Variants in XPO1 observed in about 807,000 individuals in gnomAD.
The protein encoded by XPO1 is exportin 1, also known as exportin-1.
In XPO1, 5 loss-of-function variants were observed where a neutral mutation model predicts 133.3. That is an observed-to-expected ratio of 0.04 (90% CI 0.02 to 0.08). The LOEUF is 0.08. Ranked by LOEUF, XPO1 falls within the 10% of genes least tolerant of loss-of-function variation. The pLI, the probability that XPO1 is intolerant of heterozygous loss-of-function variation, is 1.00. For synonymous variants in XPO1, 419 were observed against 408.2 expected (o/e 1.03, Z -0.32); for missense variants, 506 against 1,267.5 (o/e 0.40, Z 9.12).
chr2:61,500,306 C>T (rs1389586721), intron 6 of XPO1, among the ~76,000 whole-genome samples: 6 of 151,920 alleles, frequency 3.9e-5, no homozygotes, highest in African/African-American at 1.2e-4. Context: ...CCAGGCTGGG[C>T]GTGGTAGCTC....
chr2:61,522,809 T>TTAATATGTG, intron 3 of XPO1, 126 bp from the exon 4 acceptor site: 1 of 679,456 alleles, frequency 1.5e-6, no homozygotes, highest in Non-Finnish European at 2.6e-6. Context: ...GCTACCAAGT[T>TTAATATGTG]TAATTACACA....
Position 61,498,653 on chromosome 2 carries a change from C to T in XPO1, c.759+20G>A. On this transcript the variant is annotated intron_variant, in intron 9 of 24. Transcript: ENST00000401558. Reference sequence around the variant, plus strand: ...TATGTGGCTATCCGGTGACAAATAACTGAAATGTATTCACTGTACCTTATA... The same window carrying T: ...TATGTGGCTATCCGGTGACAAATAATTGAAATGTATTCACTGTACCTTATA... 1 of 1,610,622 alleles carries T rather than the reference C, an allele frequency of 6.2e-7. No individual in the cohort carries two copies.
chr2:61,532,108 GT>G (rs143147371), intron 2 of XPO1, among the ~76,000 whole-genome samples: 5 of 151,902 alleles, frequency 3.3e-5, no homozygotes, highest in African/African-American at 9.7e-5. Context: ...TCAGGTTTAG[GT>G]TTTTTTATTT....
At chr2:61,521,350 A>G (rs1270438515) in intron 4 of XPO1, among the ~76,000 whole-genome samples, 1 of 152,226 alleles carries the variant, frequency 6.6e-6, no homozygotes, top group African/African-American at 2.4e-5. Context: ...TAAAAGACAA[A>G]TAATCAAAGA....
At chr2:61,500,527 C>A (rs781547527) in intron 6 of XPO1, among the ~76,000 whole-genome samples, 3 of 137,512 alleles carry the variant, frequency 2.2e-5, no homozygotes, top group Non-Finnish European at 4.6e-5. Context: ...TGCAGTGAGC[C>A]GAGACCAGGC....
At chr2:61,536,801 G>A (rs918269081) in intron 1 of XPO1, 11 of 152,312 alleles carry the variant, frequency 7.2e-5, no homozygotes, top group African/African-American at 2.2e-4. Context: ...GATCAGAGGA[G>A]GTCCGGGCTG....
intron 4 of XPO1, among the ~76,000 whole-genome samples, chr2:61,508,512 A>C (rs1174475731): frequency 6.6e-6 from 1 of 152,244 alleles, no homozygotes; most frequent in Non-Finnish European, 1.5e-5. Flanking sequence ...TATCAACTTC[A>C]GCAAGCTAAA....
At chr2:61,526,245 A>G in intron 3 of XPO1, 175 bp downstream of exon 3, 1 of 1,408,354 alleles carries the variant, frequency 7.1e-7, no homozygotes, top group Non-Finnish European at 9.2e-7. Context: ...TTCATTCATA[A>G]TTCTTAGGAC....
At chr2:61,504,946 G>A (rs1697722146) in intron 4 of XPO1, among the ~76,000 whole-genome samples, 1 of 152,222 alleles carries the variant, frequency 6.6e-6, no homozygotes, top group South Asian at 2.1e-4. Flanking sequence ...GGTGTTAAGT[G>A]TCAATATGCA....
intron 4 of XPO1, among the ~76,000 whole-genome samples, chr2:61,518,766 C>G (rs1698538225): frequency 1.3e-5 from 2 of 152,122 alleles, no homozygotes; most frequent in South Asian, 4.1e-4. Context: ...GGACAAAACA[C>G]ATAAAACACA....
At chr2:61,523,167 T>G (rs1255966801) in intron 3 of XPO1, among the ~76,000 whole-genome samples, 3 of 152,216 alleles carry the variant, frequency 2.0e-5, no homozygotes, top group Non-Finnish European at 1.5e-5. Context: ...CTATAGAAAG[T>G]GTTTACAAGC....
intron 3 of XPO1, among the ~76,000 whole-genome samples, chr2:61,522,965 T>A (rs1032727046): frequency 7.2e-5 from 11 of 152,200 alleles, no homozygotes; most frequent in African/African-American, 2.7e-4. Context: ...AGCAGCCAAA[T>A]AGGCTTATCT....
chr2:61,483,183 C>T (rs768585358), intron 21 of XPO1, 92 bp from the exon 22 acceptor site: 35 of 1,397,202 alleles, frequency 2.5e-5, no homozygotes, highest in Non-Finnish European at 3.4e-5. Context: ...TGAATCTAAC[C>T]CTGTTCTCCC....
chr2:61,482,636 C>T (rs1573101683), intron 22 of XPO1, 97 bp from the exon 23 acceptor site: 8 of 1,138,554 alleles, frequency 7.0e-6, no homozygotes, highest in East Asian at 5.4e-5. Context: ...GACGGAGTCT[C>T]GCTCTGTCAC....
chr2:61,501,789 A>C (rs555176423), intron 6 of XPO1, among the ~76,000 whole-genome samples: 25 of 151,936 alleles, frequency 1.6e-4, no homozygotes, highest in Non-Finnish European at 3.4e-4. Flanking sequence ...CACTGCAGCC[A>C]CATAAATGAT....
At chr2:61,518,523 A>G (rs1558667452) in intron 4 of XPO1, among the ~76,000 whole-genome samples, 1 of 151,734 alleles carries the variant, frequency 6.6e-6, no homozygotes, top group Non-Finnish European at 1.5e-5. Context: ...AGGCTGAGGC[A>G]GGAGAATGGT....
intron 2 of XPO1, among the ~76,000 whole-genome samples, chr2:61,531,383 CTTAA>C (rs1168806396): frequency 6.6e-6 from 1 of 152,174 alleles, no homozygotes; most frequent in Non-Finnish European, 1.5e-5. Flanking sequence ...AAACACTTTT[CTTAA>C]TCTACTTTTT....
intron 17 of XPO1, among the ~76,000 whole-genome samples, chr2:61,489,044 G>A (rs1334143073): frequency 6.6e-6 from 1 of 151,774 alleles, no homozygotes; most frequent in African/African-American, 2.4e-5. Context: ...GGAGTTTGCA[G>A]TGAGCCGAGA....
intron 3 of XPO1, among the ~76,000 whole-genome samples, chr2:61,523,787 T>C (rs901938942): frequency 8.5e-5 from 13 of 152,194 alleles, no homozygotes; most frequent in Admixed American, 1.3e-4. Context: ...CCAAACTACA[T>C]TGTGCTCAAA....
Sources: allele counts gnomAD v4.1 joint callset (sites outside exome capture counted in the v4.1 genomes callset), GRCh38; gene constraint gnomAD v4.1.1; transcripts MANE v1.5; gene names NCBI Gene and HGNC (gene_info 2026-07-23, HGNC 2026-07-21).